Variants in RNLS observed in about 807,000 individuals in gnomAD.
RNLS encodes renalase, FAD dependent amine oxidase.
Under a neutral mutation model 39.8 loss-of-function variants are expected in RNLS, and 39 were observed. The observed-to-expected ratio is 0.98, with a 90% CI of 0.76 to 1.28. RNLS has a LOEUF of 1.28. RNLS is among the 50% of genes most tolerant of loss of function. The pLI is 0.00. For missense variants in RNLS, 410 were observed against 413.3 expected, an observed-to-expected ratio of 0.99 and a Z score of 0.07; for synonymous variants, 147 against 150.7, an observed-to-expected ratio of 0.98 and a Z score of 0.18.
chr10:88,290,858 T>C (rs1843621353), intron 6 of RNLS, among the ~76,000 whole-genome samples: 1 of 152,222 alleles, frequency 6.6e-6, no homozygotes, highest in Admixed American at 6.5e-5. Context: ...GGTTTTCTTC[T>C]GAGCTGCTGA....
At chr10:88,322,722 G>A (rs1398048347) in intron 5 of RNLS, among the ~76,000 whole-genome samples, 1 of 152,086 alleles carries the variant, frequency 6.6e-6, no homozygotes, top group Non-Finnish European at 1.5e-5. Context: ...AGGAATGGGA[G>A]CAAGACAAGG....
chr10:88,363,625 T>G (rs1393474989), intron 4 of RNLS, among the ~76,000 whole-genome samples: 3 of 152,016 alleles, frequency 2.0e-5, no homozygotes, highest in Non-Finnish European at 4.4e-5. Flanking sequence ...ACACCAAAGA[T>G]GAAACTTTAA....
intron 4 of RNLS, among the ~76,000 whole-genome samples, chr10:88,419,313 A>G (rs978875410): frequency 3.9e-5 from 6 of 152,220 alleles, no homozygotes; most frequent in African/African-American, 1.2e-4. Flanking sequence ...TCTAGCCAAA[A>G]GGAATCTAGA....
chr10:88,329,431 C>T (rs1437781765), intron 5 of RNLS, among the ~76,000 whole-genome samples: 1 of 151,784 alleles, frequency 6.6e-6, no homozygotes, highest in African/African-American at 2.4e-5. Context: ...ATGGTTTTTT[C>T]TTTGTCTTTG....
downstream of RNLS, among the ~76,000 whole-genome samples, chr10:88,281,062 G>A (rs1234889835): frequency 2.6e-5 from 4 of 152,084 alleles, no homozygotes; most frequent in African/African-American, 9.7e-5. Flanking sequence ...TACCTTCCTT[G>A]GTTTACCTGG....
intron 5 of RNLS, among the ~76,000 whole-genome samples, chr10:88,338,632 G>A (rs1177946815): frequency 2.0e-5 from 3 of 152,138 alleles, no homozygotes; most frequent in Non-Finnish European, 2.9e-5. Flanking sequence ...TTTGATATAC[G>A]TGCTCTTGAG....
At chr10:88,217,738 G>GAAAAAGAAAA in the RNLS span, among the ~76,000 whole-genome samples, 5 of 97,604 alleles carry the variant, frequency 5.1e-5, no homozygotes, top group South Asian at 2.1e-3. Flanking sequence ...GCCTTCAAAT[G>GAAAAAGAAAA]AAAAAAAAAA....
At chr10:88,325,705 TA>T (rs999601012) in intron 5 of RNLS, among the ~76,000 whole-genome samples, 1 of 152,210 alleles carries the variant, frequency 6.6e-6, no homozygotes, top group African/African-American at 2.4e-5. Context: ...CACGCATTTT[TA>T]AAAATAAATT....
the RNLS span, among the ~76,000 whole-genome samples, chr10:88,178,925 A>G: frequency 1.3e-5 from 2 of 152,314 alleles, no homozygotes; most frequent in Admixed American, 6.5e-5. Context: ...GGTAGTGGCT[A>G]TTCACTCACT....
intron 4 of RNLS, among the ~76,000 whole-genome samples, chr10:88,469,613 C>A (rs1564824569): frequency 6.6e-6 from 1 of 152,116 alleles, no homozygotes; most frequent in South Asian, 2.1e-4. Context: ...TACATATTAG[C>A]ACTAGCATAA....
At chr10:88,388,417 C>A (rs1851995825) in intron 4 of RNLS, among the ~76,000 whole-genome samples, 1 of 152,180 alleles carries the variant, frequency 6.6e-6, no homozygotes, top group African/African-American at 2.4e-5. Context: ...TTAAAACATG[C>A]CTGAGAATAA....
At chr10:88,336,642 T>C (rs1011407322) in intron 5 of RNLS, among the ~76,000 whole-genome samples, 5 of 152,210 alleles carry the variant, frequency 3.3e-5, no homozygotes, top group Non-Finnish European at 5.9e-5. Context: ...GAAAAATTGT[T>C]CACACAAGAG....
At chr10:88,360,976 G>A (rs1849601096) in intron 5 of RNLS, among the ~76,000 whole-genome samples, 1 of 152,172 alleles carries the variant, frequency 6.6e-6, no homozygotes, top group Non-Finnish European at 1.5e-5. Context: ...ACCATAGACT[G>A]GGTGACTTAA....
the RNLS span, among the ~76,000 whole-genome samples, chr10:88,265,701 T>G: frequency 6.6e-6 from 1 of 152,224 alleles, no homozygotes; most frequent in East Asian, 1.9e-4. Context: ...ACATTAATTT[T>G]GTATCCTCTA....
intron 5 of RNLS, among the ~76,000 whole-genome samples, chr10:88,340,840 T>G (rs1847880742): frequency 6.6e-6 from 1 of 152,008 alleles, no homozygotes; most frequent in Non-Finnish European, 1.5e-5. Context: ...GGCGGGCAGA[T>G]CACGAGGTCA....
chr10:88,372,581 A>G (rs1449284811), intron 4 of RNLS, among the ~76,000 whole-genome samples: 1 of 152,168 alleles, frequency 6.6e-6, no homozygotes, highest in Admixed American at 6.6e-5. Context: ...GATTAGAAAA[A>G]AATGAACATT....
At chr10:88,260,317 T>C in the RNLS span, among the ~76,000 whole-genome samples, 12 of 152,238 alleles carry the variant, frequency 7.9e-5, no homozygotes, top group Non-Finnish European at 1.8e-4. Context: ...GTGTTATTTA[T>C]GGCAAACTTA....
At chr10:88,421,930 T>C (rs1016171725) in intron 4 of RNLS, among the ~76,000 whole-genome samples, 3 of 152,292 alleles carry the variant, frequency 2.0e-5, no homozygotes, top group East Asian at 1.9e-4. Context: ...TCCTCTTTAC[T>C]GCTCATTATA....
chr10:88,351,059 G>A (rs994702471), intron 5 of RNLS, among the ~76,000 whole-genome samples: 5 of 152,076 alleles, frequency 3.3e-5, no homozygotes, highest in Middle Eastern at 3.2e-3. Context: ...CATATCCTTC[G>A]CCCACTTGTT....
Sources: allele counts gnomAD v4.1 joint callset (sites outside exome capture counted in the v4.1 genomes callset), GRCh38; gene constraint gnomAD v4.1.1; transcripts MANE v1.5; gene names NCBI Gene and HGNC (gene_info 2026-07-23, HGNC 2026-07-21).